The following TGIF2 variants were observed in gnomAD, a reference collection of about 807,000 sequenced individuals.
The protein encoded by TGIF2 is TGFB induced factor homeobox 2.
TGIF2 carries 5 observed loss-of-function variants against 15.1 expected under a neutral mutation model. The ratio of observed to expected loss-of-function variants is 0.33; its 90% CI spans 0.17 to 0.70. The LOEUF is 0.70. Ranked by LOEUF, TGIF2 falls within the 30% of genes least tolerant of loss-of-function variation. The pLI is 0.67. For missense variants in TGIF2, 264 were observed against 302.5 expected (o/e 0.87, Z 0.94); for synonymous variants, 131 against 128.9 (o/e 1.02, Z -0.11).
intron 2 of TGIF2, among the ~76,000 whole-genome samples, chr20:36,585,304 T>A (rs1015225454): frequency 6.6e-6 from 1 of 151,798 alleles, no homozygotes; most frequent in South Asian, 2.1e-4. Flanking sequence ...TGTAGACCAG[T>A]CTGACCAATG....
At chr20:36,588,183 C>T (rs1379923214) in intron 2 of TGIF2, among the ~76,000 whole-genome samples, 1 of 151,758 alleles carries the variant, frequency 6.6e-6, no homozygotes, top group Non-Finnish European at 1.5e-5. Flanking sequence ...GAGCTTTCTT[C>T]TCATTGAGCT....
intron 2 of TGIF2, among the ~76,000 whole-genome samples, chr20:36,587,444 A>G (rs773339339): frequency 6.6e-6 from 1 of 151,878 alleles, no homozygotes; most frequent in Non-Finnish European, 1.5e-5. Flanking sequence ...GACCCAGGTC[A>G]CTGTGACCTG....
chr20:36,583,350 T>C (rs562108231), intron 2 of TGIF2, among the ~76,000 whole-genome samples: 3 of 151,856 alleles, frequency 2.0e-5, no homozygotes, highest in South Asian at 2.1e-4. Flanking sequence ...CCCAGCACTT[T>C]GGGAGGCTAG....
intron 2 of TGIF2, among the ~76,000 whole-genome samples, chr20:36,584,123 C>T (rs1477894722): frequency 1.3e-5 from 2 of 152,142 alleles, no homozygotes; most frequent in African/African-American, 2.4e-5. Flanking sequence ...ATCACCGGCC[C>T]GTGTCTACAT....
chr20:36,588,464 C>G (rs1433357150), intron 2 of TGIF2, among the ~76,000 whole-genome samples: 2 of 137,312 alleles, frequency 1.5e-5, no homozygotes, highest in Non-Finnish European at 3.1e-5. Context: ...CTTGTGGGTT[C>G]AAGCAGTTCT....
chr20:36,573,840 C>A (rs2038351950), intron 1 of TGIF2, 95 bp downstream of exon 1: 1 of 150,168 alleles, frequency 6.7e-6, no homozygotes, highest in South Asian at 2.1e-4. Flanking sequence ...GAGGGGGCGT[C>A]GTCCTGGCGC....
intron 1 of TGIF2, among the ~76,000 whole-genome samples, chr20:36,578,061 T>C (rs1398546449): frequency 1.3e-5 from 2 of 152,200 alleles, no homozygotes; most frequent in African/African-American, 4.8e-5. Context: ...AAAATGATGA[T>C]AATAATAGCT....
intron 2 of TGIF2, among the ~76,000 whole-genome samples, chr20:36,587,008 G>A (rs749628): frequency 6.6e-5 from 10 of 152,076 alleles, no homozygotes; most frequent in African/African-American, 9.7e-5. Context: ...CCGGCTTTCC[G>A]GTTCCCAGCC....
At chr20:36,587,998 A>T (rs903034639) in intron 2 of TGIF2, among the ~76,000 whole-genome samples, 1 of 151,686 alleles carries the variant, frequency 6.6e-6, no homozygotes, top group Admixed American at 6.6e-5. Context: ...TAAACCCAGG[A>T]GGTCAAGGCT....
intron 2 of TGIF2, among the ~76,000 whole-genome samples, chr20:36,586,814 G>A (rs777285613): frequency 3.9e-5 from 6 of 151,900 alleles, no homozygotes; most frequent in Non-Finnish European, 5.9e-5. Flanking sequence ...TGGGAAAGGC[G>A]CCTCAGTGCC....
chr20:36,578,046 T>A (rs915045691), intron 1 of TGIF2, among the ~76,000 whole-genome samples: 1 of 152,130 alleles, frequency 6.6e-6, no homozygotes, highest in African/African-American at 2.4e-5. Context: ...TGTTACCTCA[T>A]CTATAAAATG....
intron 1 of TGIF2, among the ~76,000 whole-genome samples, chr20:36,575,816 G>T (rs1350462745): frequency 6.6e-6 from 1 of 152,186 alleles, no homozygotes; most frequent in Non-Finnish European, 1.5e-5. Context: ...AATCTGGCTG[G>T]GCGGGGTGGC....
rs2038417908 is a variant in TGIF2, at chr20:36,575,899, C to T, written c.-35+2154C>T. Among the ~76,000 whole-genome samples, 3 of 151,998 alleles carry T rather than the reference C, an allele frequency of 2.0e-5. No homozygotes were observed. In the South Asian group the frequency reaches 6.2e-4, roughly 32 times the overall value. On this transcript the variant is annotated intron_variant, in intron 1 of 2. Transcript: ENST00000373872. Reference sequence around the variant, plus strand: ...CCTGAGGTCAGGAGTTCAAGACTAGCCTGGCCAACATGGCAAAACCCTGTC... The same window carrying T: ...CCTGAGGTCAGGAGTTCAAGACTAGTCTGGCCAACATGGCAAAACCCTGTC...
At chr20:36,582,016 A>G (rs909498464) in intron 2 of TGIF2, among the ~76,000 whole-genome samples, 1 of 152,110 alleles carries the variant, frequency 6.6e-6, no homozygotes. Context: ...CGGGCGGATC[A>G]CCTGAGGTCA....
intron 2 of TGIF2, among the ~76,000 whole-genome samples, chr20:36,586,529 T>A (rs547796996): frequency 6.6e-6 from 1 of 152,300 alleles, no homozygotes; most frequent in South Asian, 2.1e-4. Flanking sequence ...ACCCTGTCTC[T>A]ATTAAAAATA....
chr20:36,583,055 C>T (rs1195248463), intron 2 of TGIF2, among the ~76,000 whole-genome samples: 1 of 149,916 alleles, frequency 6.7e-6, no homozygotes, highest in Non-Finnish European at 1.5e-5. Context: ...GCAGGCAGTT[C>T]GCTTGAGGCC....
At chr20:36,587,033 T>C (rs532428738) in intron 2 of TGIF2, among the ~76,000 whole-genome samples, 1 of 152,298 alleles carries the variant, frequency 6.6e-6, no homozygotes, top group East Asian at 1.9e-4. Flanking sequence ...TTTTGCCATA[T>C]ACATCACAGA....
At chr20:36,576,677 C>G (rs2038435686) in intron 1 of TGIF2, among the ~76,000 whole-genome samples, 2 of 152,070 alleles carry the variant, frequency 1.3e-5, no homozygotes, top group Admixed American at 6.6e-5. Context: ...GGTATGTTTG[C>G]AACCATCACT....
intron 1 of TGIF2, among the ~76,000 whole-genome samples, chr20:36,573,950 G>C (rs2038355786): frequency 6.6e-6 from 1 of 152,056 alleles, no homozygotes; most frequent in East Asian, 2.0e-4. Flanking sequence ...GGGGGCCGGT[G>C]GGGGACTGTT....
Sources: gnomAD v4.1 joint callset for allele counts (sites outside exome capture counted in the v4.1 genomes callset) on GRCh38, gnomAD v4.1.1 for gene constraint, MANE v1.5 for transcripts, NCBI Gene and HGNC (gene_info 2026-07-23, HGNC 2026-07-21) for gene names.